LTBP1: variants seen among roughly 807,000 people sequenced by gnomAD.
LTBP1 encodes latent transforming growth factor beta binding protein 1, also known as latent-transforming growth factor beta-binding protein 1.
In LTBP1, 129 loss-of-function variants were observed where a neutral mutation model predicts 207.6. The ratio of observed to expected loss-of-function variants is 0.62; its 90% confidence interval spans 0.54 to 0.72. The LOEUF (loss-of-function observed/expected upper bound fraction) is 0.72. Ranked by LOEUF, LTBP1 falls within the 30% of genes least tolerant of loss-of-function variation. LTBP1 has a pLI of 0.00. For synonymous variants in LTBP1, 963 were observed against 833.7 expected, an observed-to-expected ratio of 1.16 and a Z score of -2.67; for missense variants, 2,281 against 2,217.2, an observed-to-expected ratio of 1.03 and a Z score of -0.58.
At chr2:33,361,397 C>CTTTTTTTTT (rs11442294) in intron 27 of LTBP1, 32 bp from the exon 28 acceptor site, 1 of 978,224 alleles carries the variant, frequency 1.0e-6, no homozygotes, top group Non-Finnish European at 1.5e-6. Flanking sequence ...GATGTTGAAT[C>CTTTTTTTTT]TTTTTTTTTT....
chr2:33,197,062 A>G (rs1319808193), intron 7 of LTBP1, among the ~76,000 whole-genome samples: 1 of 152,208 alleles, frequency 6.6e-6, no homozygotes, highest in East Asian at 1.9e-4. Context: ...GTAAAAAGTT[A>G]CGTTTAGTAT....
At chr2:33,105,620 A>T (rs1338564369) in intron 3 of LTBP1, among the ~76,000 whole-genome samples, 1 of 152,054 alleles carries the variant, frequency 6.6e-6, no homozygotes, top group Non-Finnish European at 1.5e-5. Flanking sequence ...TTTAGTAAAG[A>T]TGGGGTTTTA....
At chr2:33,184,136 T>A (rs1229236198) in intron 5 of LTBP1, among the ~76,000 whole-genome samples, 2 of 152,202 alleles carry the variant, frequency 1.3e-5, no homozygotes, top group African/African-American at 4.8e-5. Flanking sequence ...GAATTTCAAT[T>A]GCTATAATAG....
At chr2:32,994,936 C>T (rs111652157) in intron 2 of LTBP1, among the ~76,000 whole-genome samples, 6 of 152,248 alleles carry the variant, frequency 3.9e-5, no homozygotes, top group African/African-American at 1.4e-4. Flanking sequence ...ATGCCTATAA[C>T]CCCAATAACT....
At chr2:33,017,311 G>C (rs986006798) in intron 2 of LTBP1, among the ~76,000 whole-genome samples, 1 of 152,178 alleles carries the variant, frequency 6.6e-6, no homozygotes, top group Non-Finnish European at 1.5e-5. Flanking sequence ...TAAGTCCTCA[G>C]AAACTTGCTG....
chr2:33,322,952 G>A lies in LTBP1; in HGVS notation c.3730+7683G>A, dbSNP rs540247903. Among the ~76,000 whole-genome samples, 3 of 151,078 alleles carry A rather than the reference G, an allele frequency of 2.0e-5. No individual in the cohort carries two copies. In the East Asian group the frequency reaches 5.8e-4, roughly 29 times the overall value. ...TTCTTTACCTTGTTTATTGTTCTTT[G>A]TCACACTCCATTGCTAGACTTTAAG... On this transcript the variant is annotated intron_variant, in intron 24 of 33. Transcript: ENST00000404816.
At chr2:33,166,988 C>T (rs2084976564) in intron 5 of LTBP1, among the ~76,000 whole-genome samples, 1 of 151,986 alleles carries the variant, frequency 6.6e-6, no homozygotes, top group Non-Finnish European at 1.5e-5. Flanking sequence ...TGACTGATGC[C>T]CATGGTGTGC....
intron 8 of LTBP1, among the ~76,000 whole-genome samples, chr2:33,221,083 C>G (rs1314335691): frequency 6.6e-6 from 1 of 152,092 alleles, no homozygotes; most frequent in Non-Finnish European, 1.5e-5. Flanking sequence ...TCTTTCATCC[C>G]ATTTTGATTA....
chr2:33,149,541 G>A (rs2083346458), intron 5 of LTBP1, among the ~76,000 whole-genome samples: 2 of 152,146 alleles, frequency 1.3e-5, no homozygotes, highest in Non-Finnish European at 2.9e-5. Context: ...CCTTGCACAT[G>A]TGTTGACCTA....
At chr2:32,966,310 A>C (rs1004859203) in intron 2 of LTBP1, among the ~76,000 whole-genome samples, 1 of 152,072 alleles carries the variant, frequency 6.6e-6, no homozygotes, top group African/African-American at 2.4e-5. Flanking sequence ...CTTTTTCAGG[A>C]CAGAAGTTTT....
intron 8 of LTBP1, among the ~76,000 whole-genome samples, chr2:33,218,124 G>A (rs72797894): frequency 2.5e-3 from 374 of 152,228 alleles, no homozygotes; most frequent in Non-Finnish European, 4.6e-3. Flanking sequence ...CTAAAATGGA[G>A]AAATAATTGG....
At chr2:33,268,751 G>C (rs1240221873) in intron 15 of LTBP1, among the ~76,000 whole-genome samples, 2 of 152,192 alleles carry the variant, frequency 1.3e-5, no homozygotes, top group African/African-American at 2.4e-5. Context: ...TATGCTCACT[G>C]TGGGGCAGTT....
At chr2:33,097,705 T>C (rs759232708) in intron 3 of LTBP1, among the ~76,000 whole-genome samples, 1 of 152,182 alleles carries the variant, frequency 6.6e-6, no homozygotes, top group Non-Finnish European at 1.5e-5. Flanking sequence ...TAGTGCTTAA[T>C]AAACAATAAG....
At chr2:33,054,465 G>A (rs934139335) in intron 3 of LTBP1, among the ~76,000 whole-genome samples, 6 of 152,138 alleles carry the variant, frequency 3.9e-5, no homozygotes, top group Admixed American at 1.3e-4. Flanking sequence ...CCCTCCTCAA[G>A]TAGGGGACAA....
chr2:33,095,184 C>G (rs1368261573), intron 3 of LTBP1, among the ~76,000 whole-genome samples: 1 of 152,094 alleles, frequency 6.6e-6, no homozygotes, highest in Non-Finnish European at 1.5e-5. Context: ...TTTTTCTTAT[C>G]AGACTAATGG....
At chr2:33,387,524 T>C (rs2150534045) in intron 31 of LTBP1, among the ~76,000 whole-genome samples, 1 of 152,338 alleles carries the variant, frequency 6.6e-6, no homozygotes. Context: ...ATAAGGAGAA[T>C]TTTAGACAGG....
At chr2:33,160,027 C>T (rs765763402) in intron 5 of LTBP1, among the ~76,000 whole-genome samples, 7 of 152,028 alleles carry the variant, frequency 4.6e-5, no homozygotes, top group Admixed American at 6.6e-5. Flanking sequence ...CATAGGCACC[C>T]GCCACCACAC....
intron 32 of LTBP1, among the ~76,000 whole-genome samples, chr2:33,392,181 G>GTT (rs1466367868): frequency 1.3e-5 from 1 of 77,762 alleles, no homozygotes; most frequent in East Asian, 4.2e-4. Context: ...GGGCCAGGTA[G>GTT]TATTTTTTTT....
chr2:33,363,265 T>TTATA (rs1412343188), intron 28 of LTBP1, 125 bp from the exon 29 acceptor site: 2 of 905,072 alleles, frequency 2.2e-6, no homozygotes, highest in African/African-American at 3.4e-5. Context: ...TTGCTGTTTG[T>TTATA]GTAGGATTCT....
Sources: gnomAD v4.1 joint callset for allele counts (sites outside exome capture counted in the v4.1 genomes callset) on GRCh38, gnomAD v4.1.1 for gene constraint, MANE v1.5 for transcripts, NCBI Gene and HGNC (gene_info 2026-07-23, HGNC 2026-07-21) for gene names.